The following ESR1 variants were observed in gnomAD, a reference collection of about 807,000 sequenced individuals.
ESR1 encodes the protein estrogen receptor.
A neutral mutation model predicts 52.7 loss-of-function variants in ESR1; 12 were observed. The observed-to-expected ratio is 0.23, with a 90% CI of 0.15 to 0.37. The LOEUF is 0.37. Ranked by LOEUF, ESR1 falls within the 10% of genes least tolerant of loss-of-function variation. The probability of loss-of-function intolerance (pLI) is 1.00; values close to 1 mark genes in which losing one functional copy is unlikely to be tolerated. For missense variants in ESR1, 584 were observed against 779.7 expected (o/e 0.75, Z 2.99); for synonymous variants, 305 against 316.8 (o/e 0.96, Z 0.39).
chr6:151,820,658 G>T (rs759264429), intron 1 of ESR1, among the ~76,000 whole-genome samples: 63 of 152,276 alleles, frequency 4.1e-4, no homozygotes, highest in Middle Eastern at 6.8e-3. Context: ...AATTTACTTG[G>T]CAGTTAGTTT....
At chr6:152,030,365 C>T (rs1273128973) in intron 5 of ESR1, among the ~76,000 whole-genome samples, 1 of 151,808 alleles carries the variant, frequency 6.6e-6, no homozygotes, top group Non-Finnish European at 1.5e-5. Flanking sequence ...GAGTCAAGAC[C>T]CATCAGCGTG....
intron 2 of ESR1, among the ~76,000 whole-genome samples, chr6:151,862,452 G>T (rs1298465160): frequency 6.6e-6 from 1 of 152,162 alleles, no homozygotes; most frequent in Non-Finnish European, 1.5e-5. Context: ...CCATGCAATG[G>T]ATAGAAACTA....
intron 2 of ESR1, among the ~76,000 whole-genome samples, chr6:151,763,515 T>TC (rs1394788564): frequency 6.6e-6 from 1 of 152,194 alleles, no homozygotes; most frequent in Non-Finnish European, 1.5e-5. Context: ...GTCTTTTTTT[T>TC]CCCCCTAGGG....
chr6:151,700,151 T>A (rs1352421484), intron 1 of ESR1, among the ~76,000 whole-genome samples: 1 of 152,314 alleles, frequency 6.6e-6, no homozygotes, highest in South Asian at 2.1e-4. Flanking sequence ...TCTGTTATTA[T>A]CTGTTACATG....
intron 6 of ESR1, chr6:152,112,681 A>C (rs545996153): frequency 3.9e-5 from 6 of 152,332 alleles, no homozygotes; most frequent in African/African-American, 1.2e-4. Flanking sequence ...CCAGCCCCAG[A>C]ACGAAACTCT....
At chr6:151,658,340 T>G (rs1302536717) in intron 1 of ESR1, among the ~76,000 whole-genome samples, 2 of 152,254 alleles carry the variant, frequency 1.3e-5, no homozygotes, top group Non-Finnish European at 1.5e-5. Flanking sequence ...CGAAAGTACT[T>G]ATTGATTCTG....
At chr6:151,780,082 G>A (rs556324879) in intron 2 of ESR1, among the ~76,000 whole-genome samples, 6 of 152,002 alleles carry the variant, frequency 3.9e-5, no homozygotes, top group Non-Finnish European at 7.4e-5. Context: ...ACAAGTGGGT[G>A]AGTTCCATAA....
chr6:151,658,007 G>A (rs541996447), intron 1 of ESR1, among the ~76,000 whole-genome samples: 62 of 152,206 alleles, frequency 4.1e-4, no homozygotes, highest in African/African-American at 1.4e-3. Context: ...AATTTTGTAG[G>A]CTAGTTTTGT....
At chr6:151,812,968 C>A (rs372073993) in intron 1 of ESR1, among the ~76,000 whole-genome samples, 123 of 142,036 alleles carry the variant, frequency 8.7e-4, no homozygotes, top group African/African-American at 9.2e-4. Context: ...ATGTCACTTA[C>A]AAAAAAAAAA....
chr6:152,014,084 C>T (rs544588346), intron 5 of ESR1, among the ~76,000 whole-genome samples: 86 of 152,248 alleles, frequency 5.6e-4, no homozygotes, highest in African/African-American at 1.8e-3. Context: ...CCCCTGCACA[C>T]GCTCTCTCTC....
intron 3 of ESR1, among the ~76,000 whole-genome samples, chr6:151,912,992 C>T (rs888944708): frequency 3.3e-5 from 5 of 151,804 alleles, no homozygotes; most frequent in South Asian, 2.1e-4. Context: ...ACCTAGATGA[C>T]GGGTTGATAG....
At chr6:151,906,443 A>G (rs182804059) in intron 3 of ESR1, among the ~76,000 whole-genome samples, 3 of 152,074 alleles carry the variant, frequency 2.0e-5, no homozygotes, top group African/African-American at 7.2e-5. Context: ...AATTTTATCT[A>G]GGATTCTTAA....
chr6:151,910,521 C>T (rs991682336), intron 3 of ESR1, among the ~76,000 whole-genome samples: 2 of 152,152 alleles, frequency 1.3e-5, no homozygotes, highest in African/African-American at 2.4e-5. Context: ...TGTTGAGTTT[C>T]AACACAGTGA....
At chr6:151,927,741 A>G (rs1312804891) in intron 3 of ESR1, among the ~76,000 whole-genome samples, 4 of 150,522 alleles carry the variant, frequency 2.7e-5, no homozygotes, top group Admixed American at 2.0e-4. Flanking sequence ...TTTTTTTGCC[A>G]GAGTCTAACT....
At chr6:151,731,597 C>T (rs537841845) in intron 2 of ESR1, among the ~76,000 whole-genome samples, 3 of 152,164 alleles carry the variant, frequency 2.0e-5, no homozygotes, top group Admixed American at 6.5e-5. Flanking sequence ...CACATATAAA[C>T]CCTCAGAGAG....
chr6:151,710,502 T>A (rs1780516352), intron 2 of ESR1, among the ~76,000 whole-genome samples: 1 of 152,164 alleles, frequency 6.6e-6, no homozygotes, highest in African/African-American at 2.4e-5. Flanking sequence ...TTGCCAATAG[T>A]TGACCACTTT....
chr6:151,850,711 G>C (rs1377023484), intron 2 of ESR1, among the ~76,000 whole-genome samples: 1 of 151,872 alleles, frequency 6.6e-6, no homozygotes, highest in Non-Finnish European at 1.5e-5. Flanking sequence ...CACTCCCTCC[G>C]GCATCCGTAC....
intron 2 of ESR1, among the ~76,000 whole-genome samples, chr6:151,733,485 A>G (rs554672291): frequency 3.0e-4 from 45 of 152,172 alleles, no homozygotes; most frequent in Non-Finnish European, 4.6e-4. Flanking sequence ...CGTCATTCTT[A>G]TCTTCCTCTT....
At chr6:152,049,786 G>C (rs750611450) in intron 5 of ESR1, among the ~76,000 whole-genome samples, 9 of 152,180 alleles carry the variant, frequency 5.9e-5, no homozygotes, top group Non-Finnish European at 1.3e-4. Context: ...CCTACGAGGG[G>C]TTGGAAGTGG....
Sources: allele counts gnomAD v4.1 joint callset (sites outside exome capture counted in the v4.1 genomes callset), GRCh38; gene constraint gnomAD v4.1.1; transcripts MANE v1.5; gene names NCBI Gene and HGNC (gene_info 2026-07-23, HGNC 2026-07-21).